Variants in IWS1 observed in about 807,000 individuals in gnomAD.
IWS1 encodes protein IWS1 homolog.
In IWS1, 27 loss-of-function variants were observed where a neutral mutation model predicts 86.7. That is an observed-to-expected ratio of 0.31 (90% CI 0.23 to 0.43). The LOEUF (loss-of-function observed/expected upper bound fraction) is 0.43. IWS1 is among the 20% of genes least tolerant of loss of function. The probability of loss-of-function intolerance (pLI) is 1.00; values close to 1 mark genes in which losing one functional copy is unlikely to be tolerated. For missense variants in IWS1, 827 were observed against 1,000.8 expected, an observed-to-expected ratio of 0.83 and a Z score of 2.34; for synonymous variants, 313 against 335.1, an observed-to-expected ratio of 0.93 and a Z score of 0.72.
intron 3 of IWS1, 131 bp downstream of exon 3, chr2:127,504,550 CCTA>C (rs1369273265): frequency 1.4e-6 from 1 of 696,866 alleles, no homozygotes; most frequent in Non-Finnish European, 2.4e-6. Context: ...AAATGAGTGT[CCTA>C]CTGATATTTT....
chr2:127,493,100 G>T (rs1167268437), intron 9 of IWS1, 181 bp downstream of exon 9: 1 of 468,242 alleles, frequency 2.1e-6, no homozygotes, highest in Admixed American at 4.3e-5. Context: ...ATAGTTACAT[G>T]AAGTTTTATA....
intron 5 of IWS1, 195 bp downstream of exon 5, chr2:127,502,620 T>G: frequency 2.6e-6 from 1 of 382,894 alleles, no homozygotes; most frequent in Non-Finnish European, 4.7e-6. Context: ...AATTCAATTT[T>G]GCCCATTAGC....
intron 2 of IWS1, among the ~76,000 whole-genome samples, chr2:127,508,860 G>C (rs1257426018): frequency 1.3e-5 from 2 of 152,200 alleles, no homozygotes; most frequent in African/African-American, 4.8e-5. Flanking sequence ...AGCACTGGGA[G>C]TCACTCCCAA....
At chr2:127,503,724 C>G (rs1243787515) in intron 3 of IWS1, 148 bp from the exon 4 acceptor site, 1 of 317,304 alleles carries the variant, frequency 3.2e-6, no homozygotes, top group Admixed American at 5.0e-5. Context: ...ATCAGAGGGC[C>G]TCCTGACACA....
chr2:127,498,093 T>C, intron 6 of IWS1, 47 bp downstream of exon 6: 1 of 1,435,582 alleles, frequency 7.0e-7, no homozygotes, highest in Non-Finnish European at 9.8e-7. Context: ...AGTCTCTACC[T>C]TGATTTTTAA....
chr2:127,525,926 T>C (rs1692382699), intron 1 of IWS1, among the ~76,000 whole-genome samples: 1 of 152,234 alleles, frequency 6.6e-6, no homozygotes, highest in Non-Finnish European at 1.5e-5. Context: ...GCTTAACATA[T>C]GAAAGTGACT....
At position 127,505,254 on chromosome 2, in the gene IWS1, G is replaced by A. The variant is rs762381665; in HGVS notation, c.649C>T (p.Pro217Ser). ...TCTGAATCACTGACCTGAGGTTTAG[G>A]AAGCTCCTCACTTTCAGAATCACTC... is the stretch of plus-strand genomic sequence containing the variant. ...RMSDSESEEL[P>S]KPQVSDSESE... The change falls in exon 3 of 14, where the codon CCT becomes TCT. Residue 217 changes from proline to serine, a missense_variant. Physicochemically the swap from Pro to Ser is moderately conservative, Grantham distance 74 (BLOSUM62 -1). Transcript: ENST00000295321. This position sits in a 1 kb window ranked among gnomAD's most constrained non-coding sequence, Gnocchi z 5.0. 1.9e-6 allele frequency: 3 copies of A among 1,613,688 alleles called. No individual in the cohort carries two copies. The highest frequency in any genetic ancestry group is 2.2e-5 in the East Asian group (1 of 44,836).
chr2:127,521,392 CTA>C (rs145596899), intron 2 of IWS1, among the ~76,000 whole-genome samples: 2,064 of 152,288 alleles, frequency 0.014, 45 homozygotes, highest in African/African-American at 0.046. Context: ...TGTAGTTGGA[CTA>C]TGCTGGTTTT....
In IWS1 at chr2:127,494,934, AT is replaced by A; in HGVS notation, c.1736del (p.Asn579IlefsTer7). On this transcript the variant is annotated frameshift_variant, in exon 8 of 14. Coordinates refer to ENST00000295321, the MANE Select transcript of IWS1 (RefSeq NM_017969.3). LOFTEE classifies it high-confidence loss of function. The part of the protein sequence containing the change: ...EAAEEDRQLN[N>X]QKKPALKKLT... Reference sequence around the variant, plus strand: ...ATTTTTTCAGTGCTGGCTTTTTTTGATTGTTCAACTGTCTGTCTTCCTATTC... The same window carrying A: ...ATTTTTTCAGTGCTGGCTTTTTTTGATGTTCAACTGTCTGTCTTCCTATTC... 1 of 1,600,018 alleles carries A rather than the reference AT, an allele frequency of 6.2e-7. No individual in the cohort carries two copies. The highest frequency in any genetic ancestry group is 8.5e-7 in the Non-Finnish European group (1 of 1,172,022).
intron 6 of IWS1, among the ~76,000 whole-genome samples, chr2:127,496,779 T>G (rs926331854): frequency 2.0e-5 from 3 of 152,134 alleles, no homozygotes; most frequent in Non-Finnish European, 4.4e-5. Flanking sequence ...CCTCACTATA[T>G]GTCACCCAGG....
chr2:127,496,400 T>C (rs1690514941), intron 6 of IWS1, among the ~76,000 whole-genome samples: 2 of 152,266 alleles, frequency 1.3e-5, no homozygotes, highest in African/African-American at 4.8e-5. Flanking sequence ...ATAAATTTAG[T>C]GTAGCCTAAG....
intron 2 of IWS1, among the ~76,000 whole-genome samples, chr2:127,520,234 TCTCTACTC>T (rs1692018640): frequency 6.6e-6 from 1 of 152,110 alleles, no homozygotes; most frequent in African/African-American, 2.4e-5. Flanking sequence ...AGTGGTGTGA[TCTCTACTC>T]ACTGCAACCT....
At chr2:127,491,937 T>C (rs1253135654) in intron 10 of IWS1, 34 bp downstream of exon 10, 3 of 1,295,298 alleles carry the variant, frequency 2.3e-6, no homozygotes, top group Admixed American at 3.4e-5. Context: ...TCTATACACA[T>C]AAACACAACA....
intron 13 of IWS1, among the ~76,000 whole-genome samples, chr2:127,483,692 T>C (rs76868681): frequency 0.054 from 8,082 of 149,834 alleles, 553 homozygotes; most frequent in African/African-American, 0.15. Context: ...TGCAATGGCA[T>C]GATTCTAGCT....
At position 127,510,225 on chromosome 2, in the gene IWS1, C is replaced by T. The variant is rs192615667; in HGVS notation, c.151-4473G>A. ...ACTATCATACTGGACTTTGTCAATG[C>T]GTATCAGTTTAATGAGCATGAAAGA... On this transcript the variant is annotated intron_variant, in intron 2 of 13. Coordinates refer to ENST00000295321, the MANE Select transcript of IWS1 (RefSeq NM_017969.3). Among the ~76,000 whole-genome samples, 85 of 152,172 alleles carry T rather than the reference C, an allele frequency of 5.6e-4. 1 individual carries two copies. Among genetic ancestry groups the T allele is most frequent in the Non-Finnish European group, 6.2e-4 (42 of 67,996 alleles).
At position 127,486,271 on chromosome 2, in the gene IWS1, A is replaced by G. The variant is rs1689925612; in HGVS notation, c.2328+282T>C. ...TCAGAATACTCCAGGTTTCAATTTC[A>G]AGCCTTGCTTGAAGTAAAGGGATTA... On this transcript the variant is annotated intron_variant, in intron 13 of 13. Coordinates refer to ENST00000295321, the MANE Select transcript of IWS1 (RefSeq NM_017969.3). The G allele has an allele frequency of 7.9e-6, 2 of 253,940 alleles. 1 individual carries two copies. The highest frequency in any genetic ancestry group is 4.3e-5 in the African/African-American group (2 of 46,010). 15.7% of individuals were successfully genotyped at this position (253,940 alleles called of 1,614,324 possible).
At position 127,514,023 on chromosome 2, in the gene IWS1, G is replaced by A. The variant is rs182976051; in HGVS notation, c.151-8271C>T. 5.2e-4 allele frequency among the ~76,000 whole-genome samples: 79 copies of A among 152,304 alleles called. 1 individual carries two copies. The highest frequency in any genetic ancestry group is 1.8e-3 in the African/African-American group (74 of 41,574). ...CTGCTAAAGCACCTGACCGGAATGA[G>A]AACCTTTATTCCCGTTTGCCTGCTC... On this transcript the variant is annotated intron_variant, in intron 2 of 13. Coordinates refer to ENST00000295321, the MANE Select transcript of IWS1 (RefSeq NM_017969.3).
At chr2:127,509,201 T>A (rs1691308416) in intron 2 of IWS1, among the ~76,000 whole-genome samples, 2 of 152,162 alleles carry the variant, frequency 1.3e-5, no homozygotes, top group South Asian at 4.1e-4. Context: ...TTAAAAGTTA[T>A]CAAAACAATA....
At chr2:127,526,836 C>T (rs768913499), upstream of IWS1, 1 of 464,042 alleles carries the variant, frequency 2.2e-6, no homozygotes, top group Non-Finnish European at 3.8e-6. Context: ...CGCCTGGTTC[C>T]CGCCCGCAGT....
Sources: allele counts gnomAD v4.1 joint callset (sites outside exome capture counted in the v4.1 genomes callset), GRCh38; gene constraint gnomAD v4.1.1; non-coding constraint Gnocchi (gnomAD v3.1); transcripts MANE v1.5; gene names NCBI Gene and HGNC (gene_info 2026-07-23, HGNC 2026-07-21).